The following IL1RAPL2 variants were observed in gnomAD, a reference collection of about 807,000 sequenced individuals.
IL1RAPL2 encodes the protein X-linked interleukin-1 receptor accessory protein-like 2.
IL1RAPL2 carries 3 observed loss-of-function variants against 44.1 expected under a neutral mutation model. That is an observed-to-expected ratio of 0.07 (90% CI 0.03 to 0.18). The LOEUF is 0.18. IL1RAPL2 is among the 10% of genes least tolerant of loss of function. IL1RAPL2 has a pLI of 1.00. For missense variants in IL1RAPL2, 391 were observed against 496.4 expected, an observed-to-expected ratio of 0.79 and a Z score of 2.02; for synonymous variants, 181 against 178.8, an observed-to-expected ratio of 1.01 and a Z score of -0.10.
At chrX:104,697,211 A>G (rs1242881596) in intron 2 of IL1RAPL2, among the ~76,000 whole-genome samples, 1 of 112,744 alleles carries the variant, frequency 8.9e-6, no homozygotes, top group East Asian at 2.8e-4. Context: ...ATGAGCCGGG[A>G]TAATTTGCCT....
intron 5 of IL1RAPL2, among the ~76,000 whole-genome samples, chrX:105,376,775 G>A (rs945548184): frequency 1.8e-5 from 2 of 111,558 alleles, no homozygotes; most frequent in African/African-American, 6.5e-5. Context: ...CCTTTTTAAT[G>A]ATATCAACCT....
chrX:105,120,758 G>T (rs1218259261), intron 2 of IL1RAPL2, among the ~76,000 whole-genome samples: 1 of 112,134 alleles, frequency 8.9e-6, no homozygotes, highest in African/African-American at 3.2e-5. Context: ...TGCATACCGT[G>T]TCTATGCAGA....
At chrX:105,414,107 T>C (rs1056989243) in intron 5 of IL1RAPL2, among the ~76,000 whole-genome samples, 1 of 111,108 alleles carries the variant, frequency 9.0e-6, no homozygotes, top group East Asian at 2.8e-4. Context: ...AGTGCTGATA[T>C]AGAAGGCAAA....
chrX:105,037,951 A>G (rs1024360048), intron 2 of IL1RAPL2, among the ~76,000 whole-genome samples: 13 of 111,895 alleles, frequency 1.2e-4, no homozygotes, highest in African/African-American at 2.0e-4. Context: ...ATTAAGCCCA[A>G]TCCTTTAAAA....
At position 104,667,428 on chromosome X, in the gene IL1RAPL2, A is replaced by G. The variant is rs1215403046; in HGVS notation, c.82+8433A>G. ...AATCATAGGGGGAAGGGAGAAACTA[A>G]CATGCATCGAGTGCTCCTATATGCC... is the stretch of plus-strand genomic sequence containing the variant. On this transcript the variant is annotated intron_variant, in intron 2 of 10. Transcript: ENST00000372582. Among the ~76,000 whole-genome samples, 4 of 111,381 alleles carry G rather than the reference A, an allele frequency of 3.6e-5. No individual in the cohort carries two copies. The East Asian group carries it at 1.1e-3, about 31-fold the overall frequency.
At chrX:105,186,363 C>A (rs1237623962) in intron 2 of IL1RAPL2, among the ~76,000 whole-genome samples, 1 of 112,023 alleles carries the variant, frequency 8.9e-6, no homozygotes, top group Non-Finnish European at 1.9e-5. Flanking sequence ...TTGACACCTA[C>A]TTAAGCTCAG....
intron 5 of IL1RAPL2, among the ~76,000 whole-genome samples, chrX:105,414,562 CTT>C (rs2035719605): frequency 8.9e-6 from 1 of 111,912 alleles, no homozygotes; most frequent in Admixed American, 9.5e-5. Flanking sequence ...TCTTTTGCCT[CTT>C]ATACTCCATT....
intron 6 of IL1RAPL2, among the ~76,000 whole-genome samples, chrX:105,583,398 TG>T (rs1184694315): frequency 1.8e-5 from 2 of 111,729 alleles, no homozygotes; most frequent in East Asian, 2.8e-4. Flanking sequence ...CCTCCCAAAG[TG>T]CTAAGATTAC....
At chrX:105,325,541 T>TTATATATATATATATATA (rs3035842) in intron 5 of IL1RAPL2, among the ~76,000 whole-genome samples, 8 of 76,068 alleles carry the variant, frequency 1.1e-4, no homozygotes, top group African/African-American at 5.6e-4. Flanking sequence ...TCTCTTGGTT[T>TTATATATATATATATATA]TATATATATA....
chrX:105,581,841 A>G (rs2037091174), intron 6 of IL1RAPL2, among the ~76,000 whole-genome samples: 1 of 109,408 alleles, frequency 9.1e-6, no homozygotes, highest in African/African-American at 3.3e-5. Flanking sequence ...TAGAACATAC[A>G]TGTATGTGAA....
intron 1 of IL1RAPL2, among the ~76,000 whole-genome samples, chrX:104,589,420 C>T (rs1159449217): frequency 8.9e-6 from 1 of 111,871 alleles, no homozygotes; most frequent in African/African-American, 3.3e-5. Context: ...CTGTGGTGGC[C>T]GCTGATTAGG....
At chrX:105,515,768 C>T (rs1312975397) in intron 6 of IL1RAPL2, among the ~76,000 whole-genome samples, 4 of 111,868 alleles carry the variant, frequency 3.6e-5, no homozygotes, top group Non-Finnish European at 7.5e-5. Context: ...AACCACGAAC[C>T]TGTGACTAGG....
At chrX:104,942,414 A>G (rs1038105977) in intron 2 of IL1RAPL2, among the ~76,000 whole-genome samples, 2 of 111,085 alleles carry the variant, frequency 1.8e-5, no homozygotes, top group East Asian at 5.7e-4. Context: ...GAGGTCCTTC[A>G]CATCCTTTGT....
At chrX:105,345,947 A>G (rs756680780) in intron 5 of IL1RAPL2, among the ~76,000 whole-genome samples, 1 of 112,002 alleles carries the variant, frequency 8.9e-6, no homozygotes, top group Non-Finnish European at 1.9e-5. Flanking sequence ...AGCTCAGGGC[A>G]TATCTATTGT....
At chrX:104,844,284 C>T (rs894969363) in intron 2 of IL1RAPL2, among the ~76,000 whole-genome samples, 6 of 111,290 alleles carry the variant, frequency 5.4e-5, no homozygotes, top group African/African-American at 2.0e-4. Flanking sequence ...AAGCAGCAAC[C>T]TAGGATAATC....
At chrX:104,981,055 T>TTGTGTG (rs199571900) in intron 2 of IL1RAPL2, among the ~76,000 whole-genome samples, 3,695 of 97,320 alleles carry the variant, frequency 0.038, 224 homozygotes, top group African/African-American at 0.14. Flanking sequence ...TTCCAAGGTA[T>TTGTGTG]TGTGTGTGTG....
chrX:104,843,536 T>C (rs1201845172), intron 2 of IL1RAPL2, among the ~76,000 whole-genome samples: 1 of 111,079 alleles, frequency 9.0e-6, no homozygotes, highest in East Asian at 2.9e-4. Context: ...CCTGGTTGTA[T>C]ATGCTCACAA....
At chrX:104,812,286 C>T (rs1932989840) in intron 2 of IL1RAPL2, among the ~76,000 whole-genome samples, 1 of 111,447 alleles carries the variant, frequency 9.0e-6, no homozygotes, top group Non-Finnish European at 1.9e-5. Flanking sequence ...GTCTATATTT[C>T]TGTCAATGAC....
chrX:104,846,159 T>G (rs1922045788), intron 2 of IL1RAPL2, among the ~76,000 whole-genome samples: 1 of 111,600 alleles, frequency 9.0e-6, no homozygotes, highest in African/African-American at 3.3e-5. Context: ...AACTATGAAG[T>G]AAAATTAATA....
Sources: gnomAD v4.1 joint callset for allele counts (sites outside exome capture counted in the v4.1 genomes callset) on GRCh38, gnomAD v4.1.1 for gene constraint, MANE v1.5 for transcripts, NCBI Gene and HGNC (gene_info 2026-07-23, HGNC 2026-07-21) for gene names.